The following ITPK1 variants were observed in gnomAD, a reference collection of about 807,000 sequenced individuals.
The protein encoded by ITPK1 is inositol 1,3,4-trisphosphate 5/6-kinase.
In ITPK1, 21 loss-of-function variants were observed where a neutral mutation model predicts 45.3. That is an observed-to-expected ratio of 0.46 (90% CI 0.33 to 0.67). The LOEUF (loss-of-function observed/expected upper bound fraction) is 0.67. Ranked by LOEUF, ITPK1 falls within the 30% of genes least tolerant of loss-of-function variation. The probability of loss-of-function intolerance (pLI) is 0.02; values close to 1 mark genes in which losing one functional copy is unlikely to be tolerated. For synonymous variants in ITPK1, 258 were observed against 253.6 expected (o/e 1.02, Z -0.16); for missense variants, 474 against 573.5 (o/e 0.83, Z 1.77).
intron 8 of ITPK1, among the ~76,000 whole-genome samples, chr14:92,953,783 AGT>A: frequency 6.6e-6 from 1 of 152,350 alleles, no homozygotes; most frequent in East Asian, 1.9e-4. Context: ...GGGGCCGGCC[AGT>A]GTCTGCTCAC....
chr14:93,051,564 C>G (rs546445252), intron 3 of ITPK1, among the ~76,000 whole-genome samples: 54 of 151,782 alleles, frequency 3.6e-4, no homozygotes, highest in Middle Eastern at 3.4e-3. Context: ...TGCAGTGAGT[C>G]CAGATCATGC....
chr14:93,015,730 G>A (rs1475877950), intron 4 of ITPK1, among the ~76,000 whole-genome samples: 1 of 152,234 alleles, frequency 6.6e-6, no homozygotes, highest in Non-Finnish European at 1.5e-5. Flanking sequence ...TGTGCAGCAG[G>A]GAGTTGGCCA....
At chr14:92,994,850 C>T (rs548057073) in intron 4 of ITPK1, among the ~76,000 whole-genome samples, 5 of 152,290 alleles carry the variant, frequency 3.3e-5, no homozygotes, top group South Asian at 4.1e-4. Context: ...CATTTGTGAA[C>T]GTGGCCTTAT....
At chr14:93,070,455 T>C (rs2749412) in intron 3 of ITPK1, 119,651 of 152,322 alleles carry the variant, frequency 0.79, 47,814 homozygotes, top group African/African-American at 0.94. Context: ...ACTCCCCAGA[T>C]CACAGACGAC....
chr14:93,096,569 A>T (rs1595212789), intron 2 of ITPK1, among the ~76,000 whole-genome samples: 2 of 152,310 alleles, frequency 1.3e-5, no homozygotes, highest in South Asian at 4.1e-4. Flanking sequence ...ACACACGAAG[A>T]ACAACAACAG....
intron 2 of ITPK1, among the ~76,000 whole-genome samples, chr14:93,088,814 T>G (rs1480864967): frequency 6.6e-6 from 1 of 151,956 alleles, no homozygotes; most frequent in African/African-American, 2.4e-5. Context: ...TCTTTTCAAG[T>G]GGGGAAATTC....
intron 10 of ITPK1, among the ~76,000 whole-genome samples, chr14:92,942,873 C>CA (rs1464611112): frequency 6.6e-6 from 1 of 152,230 alleles, no homozygotes; most frequent in Non-Finnish European, 1.5e-5. Flanking sequence ...CGGGAGTTTT[C>CA]AAAAACCCTG....
At chr14:93,099,109 G>A (rs1057121586) in intron 2 of ITPK1, among the ~76,000 whole-genome samples, 2 of 152,110 alleles carry the variant, frequency 1.3e-5, no homozygotes, top group East Asian at 1.9e-4. Context: ...CTCCCCTTCC[G>A]GGTGGAAATA....
intron 3 of ITPK1, among the ~76,000 whole-genome samples, chr14:93,038,025 A>G (rs1889391415): frequency 6.6e-6 from 1 of 152,178 alleles, no homozygotes; most frequent in Admixed American, 6.5e-5. Flanking sequence ...TTAACAAACT[A>G]TAAGGAATAT....
At chr14:92,953,651 AG>A (rs1052322207) in intron 8 of ITPK1, among the ~76,000 whole-genome samples, 3 of 152,162 alleles carry the variant, frequency 2.0e-5, no homozygotes, top group Non-Finnish European at 4.4e-5. Context: ...AGGGGGAGGA[AG>A]GGCCACCAAG....
chr14:92,963,194 T>C (rs1016807413), intron 5 of ITPK1, among the ~76,000 whole-genome samples: 1 of 152,248 alleles, frequency 6.6e-6, no homozygotes, highest in African/African-American at 2.4e-5. Context: ...CGCAGAGAGC[T>C]GTACAAATTT....
intron 5 of ITPK1, among the ~76,000 whole-genome samples, chr14:92,977,900 A>G (rs1886030587): frequency 6.6e-6 from 1 of 151,968 alleles, no homozygotes; most frequent in Admixed American, 6.6e-5. Context: ...GGGCACTGCT[A>G]TAAGGATATC....
At chr14:93,045,278 G>C (rs1244574784) in intron 3 of ITPK1, among the ~76,000 whole-genome samples, 1 of 152,250 alleles carries the variant, frequency 6.6e-6, no homozygotes, top group Non-Finnish European at 1.5e-5. Context: ...CAGCGCTTGA[G>C]GGCTGGTCCA....
At chr14:92,943,512 G>A (rs562074179) in intron 10 of ITPK1, among the ~76,000 whole-genome samples, 3 of 152,322 alleles carry the variant, frequency 2.0e-5, no homozygotes, top group East Asian at 1.9e-4. Flanking sequence ...TAGGTGTCCC[G>A]GGCACGGGCA....
intron 3 of ITPK1, among the ~76,000 whole-genome samples, chr14:93,057,052 C>T (rs1890239980): frequency 6.6e-6 from 1 of 152,170 alleles, no homozygotes; most frequent in South Asian, 2.1e-4. Flanking sequence ...AAGCGCCTGG[C>T]TCACCCTCTG....
In ITPK1 at chr14:92,940,207, GGCAGAGGACAGCCCGGAA is replaced by G. The variant is rs1887290860; in HGVS notation, c.*1336_*1353del. On this transcript the variant is annotated 3_prime_UTR_variant, in exon 11 of 11. Coordinates refer to ENST00000267615, the MANE Select transcript of ITPK1 (RefSeq NM_014216.6). Reference sequence around the variant, plus strand: ...TTCTCTAGCGTCCTCCATCTCACTGGGCAGAGGACAGCCCGGAAGCCTTTTTCACTTTTTCAAAGTAAA... The same window carrying G: ...TTCTCTAGCGTCCTCCATCTCACTGGGCCTTTTTCACTTTTTCAAAGTAAA... 1.0e-6 allele frequency: 1 copy of G among 986,070 alleles called. No individual in the cohort carries two copies. The highest frequency in any genetic ancestry group is 4.7e-5 in the South Asian group (1 of 21,334). 61.1% of individuals were successfully genotyped at this position (986,070 alleles called of 1,614,324 possible).
At chr14:93,004,133 T>A (rs1887491416) in intron 4 of ITPK1, among the ~76,000 whole-genome samples, 1 of 152,132 alleles carries the variant, frequency 6.6e-6, no homozygotes, top group African/African-American at 2.4e-5. Context: ...ACTGCACGCA[T>A]CCCAGTCGCC....
chr14:93,008,688 C>T (rs1887740331), intron 4 of ITPK1, among the ~76,000 whole-genome samples: 1 of 152,238 alleles, frequency 6.6e-6, no homozygotes, highest in Admixed American at 6.5e-5. Context: ...GGATTTATTA[C>T]ATGAAGACAA....
At chr14:93,095,964 A>G (rs1354445639) in intron 2 of ITPK1, among the ~76,000 whole-genome samples, 2 of 152,138 alleles carry the variant, frequency 1.3e-5, no homozygotes, top group Non-Finnish European at 2.9e-5. Flanking sequence ...TTCACGGACT[A>G]TGTTGTGGGG....
Sources: gnomAD v4.1 joint callset for allele counts (sites outside exome capture counted in the v4.1 genomes callset) on GRCh38, gnomAD v4.1.1 for gene constraint, MANE v1.5 for transcripts, NCBI Gene and HGNC (gene_info 2026-07-23, HGNC 2026-07-21) for gene names.